The following NCOR1 variants were observed in gnomAD, a reference collection of about 807,000 sequenced individuals.
NCOR1 encodes protein phosphatase 1, regulatory subunit 109.
NCOR1 carries 63 observed loss-of-function variants against 288.1 expected under a neutral mutation model. That is an observed-to-expected ratio of 0.22 (90% CI 0.18 to 0.27). The LOEUF (loss-of-function observed/expected upper bound fraction) is 0.27, where lower values mean the gene tolerates loss of function less well. NCOR1 is among the 10% of genes least tolerant of loss of function. The pLI, the probability that NCOR1 is intolerant of heterozygous loss-of-function variation, is 1.00. For synonymous variants in NCOR1, 1,007 were observed against 1,065.9 expected (o/e 0.94, Z 1.08); for missense variants, 2,397 against 3,019.2 (o/e 0.79, Z 4.83).
chr17:16,195,593 T>C (rs1264780426), intron 1 of NCOR1, among the ~76,000 whole-genome samples: 6 of 152,254 alleles, frequency 3.9e-5, no homozygotes, highest in African/African-American at 1.4e-4. Flanking sequence ...TGCCACACTT[T>C]TCAAATTACT....
In NCOR1 at chr17:16,061,869, T is replaced by C. The variant is rs938654268; in HGVS notation, c.5413A>G (p.Ile1805Val). The C allele has an allele frequency of 2.5e-6, 4 of 1,611,672 alleles. No homozygotes were observed. In the African/African-American group the frequency reaches 4.0e-5, roughly 16 times the overall value. ...CGGGAGGCTGGCAGGCCTTGGCTTA[T>C]TGAAGGGCCCCCAGCAGGCAGTGGC... ...IMPLPAGGPS[I>V]SQGLPASRYN... The change falls in exon 37 of 46, where the codon ATA becomes GTA. Residue 1805 changes from isoleucine (I) to valine (V), a missense_variant. Transcript: ENST00000268712.
At chr17:16,157,161 A>T (rs2079951000) in intron 6 of NCOR1, among the ~76,000 whole-genome samples, 1 of 152,070 alleles carries the variant, frequency 6.6e-6, no homozygotes, top group Admixed American at 6.6e-5. Context: ...ATTTCACATA[A>T]AACCCCATTA....
chr17:16,197,672 C>T (rs1313016997), intron 1 of NCOR1, among the ~76,000 whole-genome samples: 2 of 152,156 alleles, frequency 1.3e-5, no homozygotes, highest in African/African-American at 2.4e-5. Context: ...GCAGCTTTCT[C>T]AGCAAGCAGT....
In NCOR1 at chr17:16,034,834, C is replaced by T. The variant is rs2151852317; in HGVS notation, c.7066G>A (p.Val2356Ile). 1 of 1,614,116 alleles carries T rather than the reference C, an allele frequency of 6.2e-7. No homozygotes were observed. Among genetic ancestry groups the T allele is most frequent in the Non-Finnish European group, 8.5e-7 (1 of 1,180,012 alleles). Residue 2356 changes from valine to isoleucine, a missense_variant, in exon 45 of 46, where the codon GTA becomes ATA. This residue lies in a region of NCOR1 where 1,872 missense variants were observed against 2,187.8 expected (regional missense o/e 0.86). Coordinates refer to ENST00000268712, the MANE Select transcript of NCOR1 (RefSeq NM_006311.4). ...GTERPSSVSS[V>I]HSEGDYHRQT... ...CTATGGTAATCCCCTTCTGAATGTACAGAGGAGACTGAAGAGGGCCGTTCC... is the reference window on the plus strand; with the variant it reads ...CTATGGTAATCCCCTTCTGAATGTATAGAGGAGACTGAAGAGGGCCGTTCC...
At chr17:16,073,605 G>A (rs2062015343) in intron 27 of NCOR1, 36 bp from the exon 28 acceptor site, 2 of 1,545,442 alleles carry the variant, frequency 1.3e-6, no homozygotes, top group Non-Finnish European at 8.7e-7. Flanking sequence ...CTCAGACGGA[G>A]CACATGGTAT....
chr17:16,103,734 G>T (rs1297931860), intron 19 of NCOR1, among the ~76,000 whole-genome samples: 1 of 152,166 alleles, frequency 6.6e-6, no homozygotes, highest in Non-Finnish European at 1.5e-5. Context: ...GCCTTCTATG[G>T]GCTGGGCGCA....
At chr17:16,040,092 G>A (rs573782392) in intron 43 of NCOR1, 2 of 479,124 alleles carry the variant, frequency 4.2e-6, no homozygotes, top group South Asian at 3.2e-5. Flanking sequence ...ACCCAGCCCA[G>A]AGACCATCTT....
intron 29 of NCOR1, among the ~76,000 whole-genome samples, chr17:16,071,879 G>A (rs1010103558): frequency 6.6e-6 from 1 of 152,064 alleles, no homozygotes; most frequent in African/African-American, 2.4e-5. Flanking sequence ...TTTCTTTAGG[G>A]TTGCTTGAGA....
chr17:16,091,994 C>T lies in NCOR1; in HGVS notation c.2885G>A (p.Arg962Gln), dbSNP rs1195419085. Residue 962 changes from arginine (R) to glutamine (Q), a missense_variant, in exon 22 of 46, where the codon CGA becomes CAA. Around this residue, in one of 11 missense-constraint regions of NCOR1, gnomAD observed 1,872 missense variants for 2,187.8 expected, o/e 0.86. Coordinates refer to ENST00000268712, the MANE Select transcript of NCOR1 (RefSeq NM_006311.4). Reference sequence around the variant, plus strand: ...TGACTCATGCATTGCTTTAATGTGTCGCTGGTAGAGAGCATAGCCGCTCAC... The same window carrying T: ...TGACTCATGCATTGCTTTAATGTGTTGCTGGTAGAGAGCATAGCCGCTCAC... ...TPVSGYALYQ[R>Q]HIKAMHESAL... is the part of the protein sequence containing the mutation. The T allele has an allele frequency of 1.2e-5, 20 of 1,614,000 alleles. No homozygotes were observed. The highest frequency in any genetic ancestry group is 1.7e-5 in the Non-Finnish European group (20 of 1,180,038).
intron 14 of NCOR1, among the ~76,000 whole-genome samples, chr17:16,127,361 A>ATATACATGTATGTATATATGTATGTATG (rs1568198363): frequency 2.2e-5 from 3 of 139,256 alleles, no homozygotes; most frequent in Non-Finnish European, 4.6e-5. Flanking sequence ...ATGTATGTAT[A>ATATACATGTATGTATATATGTATGTATG]TATACATGTA....
At chr17:16,119,347 A>T in intron 17 of NCOR1, 76 bp downstream of exon 17, 1 of 1,044,570 alleles carries the variant, frequency 9.6e-7, no homozygotes, top group Non-Finnish European at 1.4e-6. Context: ...TAAAACAATT[A>T]GTTCCATCTC....
intron 35 of NCOR1, 42 bp from the exon 36 acceptor site, chr17:16,062,312 G>A (rs1598053070): frequency 2.0e-6 from 3 of 1,534,966 alleles, no homozygotes; most frequent in Middle Eastern, 1.7e-4. Flanking sequence ...ACATAAGGAG[G>A]AAGCCAGAGA....
rs778534177 is a variant in NCOR1, at chr17:16,171,789, G to A, written c.435+14C>T. 1 of 1,551,144 alleles carries A rather than the reference G, an allele frequency of 6.4e-7. No homozygotes were observed. Among genetic ancestry groups the A allele is most frequent in the Non-Finnish European group, 8.7e-7 (1 of 1,152,464 alleles). ...AAACCTACAACTCTACAGGGTAAGA[G>A]AACAAATATTTACCTTCTTAGCATC... On this transcript the variant is annotated intron_variant, in intron 4 of 45. Coordinates refer to ENST00000268712, the MANE Select transcript of NCOR1 (RefSeq NM_006311.4).
chr17:16,061,985 CA>C, intron 36 of NCOR1, 91 bp from the exon 37 acceptor site: 4 of 1,564,684 alleles, frequency 2.6e-6, no homozygotes, highest in Non-Finnish European at 2.6e-6. Flanking sequence ...GCAACAACAA[CA>C]AAAAAAGCCT....
At chr17:16,048,286 A>T (rs2058905046) in intron 41 of NCOR1, among the ~76,000 whole-genome samples, 1 of 152,148 alleles carries the variant, frequency 6.6e-6, no homozygotes, top group Non-Finnish European at 1.5e-5. Flanking sequence ...AGTGAAGCTG[A>T]ATGCGCAGCA....
intron 1 of NCOR1, among the ~76,000 whole-genome samples, chr17:16,207,184 C>T (rs1470391567): frequency 4.6e-5 from 7 of 152,152 alleles, no homozygotes; most frequent in Non-Finnish European, 1.0e-4. Flanking sequence ...TTAAAAGTAA[C>T]GCAAAGTTAA....
At chr17:16,148,642 T>C (rs2078356328) in intron 9 of NCOR1, among the ~76,000 whole-genome samples, 1 of 131,132 alleles carries the variant, frequency 7.6e-6, no homozygotes, top group Non-Finnish European at 1.6e-5. Context: ...AATTTCTTAC[T>C]TGATATTTAT....
rs192876960 is a variant in NCOR1 at position 16,098,306 on chromosome 17, A to G, written c.2820+61T>C. The G allele has an allele frequency of 9.5e-5, 144 of 1,514,156 alleles. No individual in the cohort carries two copies. In the East Asian group the frequency reaches 1.9e-3, roughly 20 times the overall value. The allele number at this position is 1,514,156 out of a possible 1,614,324, so 93.8% of individuals were successfully genotyped here. A position where few individuals can be genotyped will look rare whatever the true frequency, so the allele number is the denominator to read the frequency against. On this transcript the variant is annotated intron_variant, in intron 21 of 45. Transcript: ENST00000268712. ...AAGAACCAATTAAAGAACAGAAGAA[A>G]TATGTCTATAAAGGTCTCAGTTTTT...
intron 43 of NCOR1, 126 bp downstream of exon 43, chr17:16,040,315 T>C: frequency 1.2e-6 from 1 of 806,348 alleles, no homozygotes; most frequent in Non-Finnish European, 2.1e-6. Flanking sequence ...CACTAAATTA[T>C]TTATTTATTT....
Sources: gnomAD v4.1 joint callset for allele counts (sites outside exome capture counted in the v4.1 genomes callset) on GRCh38, gnomAD v4.1.1 for gene constraint, gnomAD v4.1.1 regional missense constraint, MANE v1.5 for transcripts, NCBI Gene and HGNC (gene_info 2026-07-23, HGNC 2026-07-21) for gene names.